DLG2: variants seen among roughly 807,000 people sequenced by gnomAD.
DLG2 encodes discs large MAGUK scaffold protein 2.
DLG2 carries 45 observed loss-of-function variants against 132.5 expected under a neutral mutation model. That is an observed-to-expected ratio of 0.34 (90% confidence interval 0.27 to 0.44). The LOEUF is 0.44. DLG2 is among the 20% of genes least tolerant of loss of function. The pLI, the probability that DLG2 is intolerant of heterozygous loss-of-function variation, is 1.00. For missense variants in DLG2, 1,045 were observed against 1,196.9 expected (o/e 0.87, Z 1.87); for synonymous variants, 424 against 419.6 (o/e 1.01, Z -0.13).
intron 3 of DLG2, among the ~76,000 whole-genome samples, chr11:85,472,654 C>G (rs961152422): frequency 3.3e-5 from 5 of 152,186 alleles, no homozygotes. Context: ...CTTTGGTTAT[C>G]CTTGTAACCT....
At chr11:83,799,263 C>T (rs1341902034) in intron 17 of DLG2, among the ~76,000 whole-genome samples, 1 of 152,154 alleles carries the variant, frequency 6.6e-6, no homozygotes, top group Non-Finnish European at 1.5e-5. Flanking sequence ...CAGAAGTAGA[C>T]CTTGAATGCC....
At chr11:84,964,843 C>A (rs2053101975) in intron 6 of DLG2, among the ~76,000 whole-genome samples, 1 of 151,754 alleles carries the variant, frequency 6.6e-6, no homozygotes, top group Non-Finnish European at 1.5e-5. Flanking sequence ...GACATTTAAA[C>A]CAAAAATGAA....
At chr11:84,864,959 G>T (rs1341925021) in intron 6 of DLG2, among the ~76,000 whole-genome samples, 6 of 151,962 alleles carry the variant, frequency 3.9e-5, no homozygotes, top group Non-Finnish European at 7.4e-5. Context: ...TATAATTCTT[G>T]GTACACAGGA....
intron 8 of DLG2, among the ~76,000 whole-genome samples, chr11:84,186,029 G>C (rs1319081049): frequency 6.6e-6 from 1 of 152,090 alleles, no homozygotes; most frequent in African/African-American, 2.4e-5. Context: ...TTAGAAGTCA[G>C]ATGTTAAACT....
intron 6 of DLG2, among the ~76,000 whole-genome samples, chr11:84,744,798 C>T (rs765508606): frequency 6.6e-6 from 1 of 151,366 alleles, no homozygotes; most frequent in African/African-American, 2.4e-5. Context: ...AGCTGTAAAG[C>T]CCACCTGCAT....
At chr11:84,954,740 A>C (rs541981166) in intron 6 of DLG2, among the ~76,000 whole-genome samples, 3 of 152,276 alleles carry the variant, frequency 2.0e-5, no homozygotes, top group African/African-American at 7.2e-5. Flanking sequence ...TTAGGCTTCT[A>C]ATTCCATAAG....
intron 11 of DLG2, among the ~76,000 whole-genome samples, chr11:84,005,089 G>C (rs1022096191): frequency 6.6e-6 from 1 of 151,580 alleles, no homozygotes; most frequent in Non-Finnish European, 1.5e-5. Context: ...AACAAAGCTG[G>C]AGGCATCATA....
intron 4 of DLG2, among the ~76,000 whole-genome samples, chr11:85,277,173 A>C (rs1423354107): frequency 1.3e-5 from 2 of 152,138 alleles, no homozygotes; most frequent in African/African-American, 4.8e-5. Context: ...GTAAAAAATG[A>C]AGATCAATAA....
At chr11:84,695,599 A>C (rs1412615366) in intron 6 of DLG2, among the ~76,000 whole-genome samples, 1 of 151,598 alleles carries the variant, frequency 6.6e-6, no homozygotes, top group East Asian at 1.9e-4. Flanking sequence ...AACATTTTGC[A>C]TGGAATGGTT....
chr11:83,474,092 G>A (rs749775457), intron 22 of DLG2, among the ~76,000 whole-genome samples: 20 of 152,006 alleles, frequency 1.3e-4, no homozygotes, highest in Non-Finnish European at 2.1e-4. Flanking sequence ...ACTTCTTAAG[G>A]GTACAGAGAG....
At chr11:84,371,539 C>T (rs771740988) in intron 7 of DLG2, among the ~76,000 whole-genome samples, 1 of 152,052 alleles carries the variant, frequency 6.6e-6, no homozygotes, top group Admixed American at 6.6e-5. Flanking sequence ...TGAGCCACCA[C>T]GCCTGGCCAC....
chr11:84,774,407 G>A (rs2070030319), intron 6 of DLG2, among the ~76,000 whole-genome samples: 2 of 151,982 alleles, frequency 1.3e-5, no homozygotes, highest in African/African-American at 2.4e-5. Context: ...TCTATCAAAC[G>A]ACCAACATTC....
chr11:84,905,176 C>A (rs564120701), intron 6 of DLG2, among the ~76,000 whole-genome samples: 17 of 152,138 alleles, frequency 1.1e-4, no homozygotes, highest in African/African-American at 3.9e-4. Flanking sequence ...TGGGCCACTG[C>A]GCCCTAAAAA....
At chr11:84,612,120 C>G (rs534849035) in intron 6 of DLG2, among the ~76,000 whole-genome samples, 1 of 152,118 alleles carries the variant, frequency 6.6e-6, no homozygotes, top group African/African-American at 2.4e-5. Context: ...CTCAAGCAAG[C>G]TTTCTGTCAC....
At chr11:83,838,350 A>T (rs2056769616) in intron 16 of DLG2, among the ~76,000 whole-genome samples, 1 of 152,314 alleles carries the variant, frequency 6.6e-6, no homozygotes, top group South Asian at 2.1e-4. Flanking sequence ...TTATAATGAA[A>T]TTATGAGTAA....
intron 3 of DLG2, among the ~76,000 whole-genome samples, chr11:85,299,722 T>C (rs475164): frequency 0.83 from 126,579 of 152,076 alleles, 53,037 homozygotes; most frequent in Middle Eastern, 0.89. Context: ...ATTACTGGGC[T>C]GTATCACCAG....
intron 5 of DLG2, among the ~76,000 whole-genome samples, chr11:85,125,727 A>T (rs1476707823): frequency 6.6e-6 from 1 of 152,080 alleles, no homozygotes; most frequent in Non-Finnish European, 1.5e-5. Context: ...CATCTTTAAG[A>T]TATGAAGGAT....
intron 17 of DLG2, chr11:83,791,197 G>A (rs1344762829): frequency 3.1e-6 from 2 of 639,534 alleles, no homozygotes; most frequent in Non-Finnish European, 5.6e-6. Context: ...TGCGGAGGGA[G>A]GTGGCCTTAT....
intron 18 of DLG2, among the ~76,000 whole-genome samples, chr11:83,682,979 C>A (rs1271714639): frequency 1.3e-5 from 2 of 152,082 alleles, no homozygotes; most frequent in Non-Finnish European, 2.9e-5. Flanking sequence ...TGGCAAAGTA[C>A]AGTGCCTTTC....
Sources: allele counts gnomAD v4.1 joint callset (sites outside exome capture counted in the v4.1 genomes callset), GRCh38; gene constraint gnomAD v4.1.1; transcripts MANE v1.5; gene names NCBI Gene and HGNC (gene_info 2026-07-23, HGNC 2026-07-21).